The following SEZ6 variants were observed in gnomAD, a reference collection of about 807,000 sequenced individuals.
The protein encoded by SEZ6 is seizure related 6 homolog, also known as seizure protein 6 homolog.
A neutral mutation model predicts 101.0 loss-of-function variants in SEZ6; 53 were observed. That is an observed-to-expected ratio of 0.52 (90% CI 0.42 to 0.66). SEZ6 has a LOEUF of 0.66. Among genes scored for constraint, SEZ6 ranks in the 30% least tolerant of loss-of-function variants. The pLI is 0.00. For missense variants in SEZ6, 1,102 were observed against 1,289.4 expected (o/e 0.85, Z 2.23); for synonymous variants, 488 against 512.2 (o/e 0.95, Z 0.64).
chr17:28,968,390 C>T (rs1285642344), intron 4 of SEZ6, among the ~76,000 whole-genome samples: 1 of 152,226 alleles, frequency 6.6e-6, no homozygotes, highest in African/African-American at 2.4e-5. Context: ...GCCTCCAGCT[C>T]ACTGCCATTC....
At position 28,981,795 on chromosome 17, in the gene SEZ6, T is replaced by C. The variant is rs768689467; in HGVS notation, c.300A>G (p.Ala100=). ...PALPFQPDPP[A]PFTPSPLPRL... is the part of the protein sequence containing the mutation. ...GGGGAAGGGGACTTGGGGTGAAGGG[T>C]GCAGGTGGGTCAGGCTGGAAGGGCA... The change falls in exon 2 of 17, where the codon GCA becomes GCG. Residue 100 remains alanine, a synonymous_variant. Transcript: ENST00000317338. 5.0e-6 allele frequency: 8 copies of C among 1,613,156 alleles called. No homozygotes were observed. The African/African-American group carries it at 1.1e-4, about 22-fold the overall frequency.
At chr17:28,990,113 G>T (rs2041436499) in intron 1 of SEZ6, among the ~76,000 whole-genome samples, 4 of 152,078 alleles carry the variant, frequency 2.6e-5, no homozygotes, top group South Asian at 2.1e-4. Context: ...AAGACCACCA[G>T]GTTTGGAGGC....
At chr17:28,968,129 C>G (rs1366448895) in intron 4 of SEZ6, among the ~76,000 whole-genome samples, 2 of 152,162 alleles carry the variant, frequency 1.3e-5, no homozygotes, top group Non-Finnish European at 2.9e-5. Flanking sequence ...GTACTAGGCC[C>G]CTCACCCCCT....
At chr17:29,002,670 C>T (rs1006241685) in intron 1 of SEZ6, among the ~76,000 whole-genome samples, 3 of 152,056 alleles carry the variant, frequency 2.0e-5, no homozygotes, top group East Asian at 1.9e-4. Flanking sequence ...TTCCTGATCC[C>T]GAAGTGCCAG....
intron 5 of SEZ6, 89 bp downstream of exon 5, chr17:28,963,873 A>G: frequency 1.3e-6 from 2 of 1,483,830 alleles, no homozygotes; most frequent in South Asian, 1.2e-5. Context: ...TGAAGAGCAA[A>G]TGAAAGTGGC....
At chr17:29,001,078 C>T (rs545096569) in intron 1 of SEZ6, among the ~76,000 whole-genome samples, 6 of 152,194 alleles carry the variant, frequency 3.9e-5, no homozygotes, top group East Asian at 1.9e-4. Flanking sequence ...AAGGAAAAAA[C>T]GAAGTAAAGG....
chr17:28,986,755 T>A (rs1383789813), intron 1 of SEZ6, among the ~76,000 whole-genome samples: 1 of 152,220 alleles, frequency 6.6e-6, no homozygotes, highest in Non-Finnish European at 1.5e-5. Flanking sequence ...TGACACTAGC[T>A]GTGTGACCTG....
At chr17:29,004,595 A>T (rs1598220073) in intron 1 of SEZ6, among the ~76,000 whole-genome samples, 3 of 152,332 alleles carry the variant, frequency 2.0e-5, no homozygotes, top group African/African-American at 7.2e-5. Flanking sequence ...CCGGGGGCCC[A>T]GCCTGTCCCT....
chr17:28,959,185 A>C lies in SEZ6; in HGVS notation c.1947T>G (p.Tyr649Ter). The change falls in exon 10 of 17, where the codon TAT becomes TAG. Residue 649 changes from tyrosine to a stop codon, truncating the protein, a stop_gained. Coordinates refer to ENST00000317338, the MANE Select transcript of SEZ6 (RefSeq NM_178860.5). LOFTEE classifies it high-confidence loss of function. This position sits in a 1 kb window ranked among gnomAD's most constrained non-coding sequence, Gnocchi z 4.4. ...RIGPGDVLTF[Y>*]DGDDLTARVL... is the part of the protein sequence containing the mutation. ...CCCGGGCCGTCAGGTCATCCCCATC[A>C]TAGAAGGTAAGCACATCACCAGGGC... The C allele has an allele frequency of 6.2e-7, 1 of 1,613,584 alleles. No homozygotes were observed. Among genetic ancestry groups the C allele is most frequent in the Non-Finnish European group, 8.5e-7 (1 of 1,179,700 alleles).
chr17:28,958,483 C>T (rs1221680486), intron 10 of SEZ6, among the ~76,000 whole-genome samples: 1 of 152,126 alleles, frequency 6.6e-6, no homozygotes, highest in African/African-American at 2.4e-5. Context: ...CCTTAGTTCC[C>T]CCATTTTTGT....
intron 1 of SEZ6, among the ~76,000 whole-genome samples, chr17:28,993,287 T>C (rs2041490721): frequency 6.6e-6 from 1 of 152,080 alleles, no homozygotes; most frequent in Non-Finnish European, 1.5e-5. Flanking sequence ...CTTCTGTCCA[T>C]CTGCTAGCCC....
At chr17:28,967,817 A>G (rs1462951504) in intron 4 of SEZ6, among the ~76,000 whole-genome samples, 4 of 152,174 alleles carry the variant, frequency 2.6e-5, no homozygotes, top group Non-Finnish European at 4.4e-5. Flanking sequence ...CCCAGACTCC[A>G]TAGTAGTTAA....
rs1328095966 is a variant in SEZ6 at position 28,981,785 on chromosome 17, G to C, written c.310C>G (p.Pro104Ala). The C allele has an allele frequency of 6.2e-7, 1 of 1,613,422 alleles. No homozygotes were observed. Among genetic ancestry groups the C allele is most frequent in the African/African-American group, 1.3e-5 (1 of 74,902 alleles). Residue 104 changes from proline to alanine, a missense_variant, in exon 2 of 17, where the codon CCA becomes GCA. Around this residue, in one of 3 missense-constraint regions of SEZ6, gnomAD observed 406 missense variants for 418.6 expected, o/e 0.97. Coordinates refer to ENST00000317338, the MANE Select transcript of SEZ6 (RefSeq NM_178860.5). The part of the protein sequence containing the change: ...FQPDPPAPFT[P>A]SPLPRLANQD... ...TTGGCCAGGCGGGGAAGGGGACTTG[G>C]GGTGAAGGGTGCAGGTGGGTCAGGC...
intron 1 of SEZ6, among the ~76,000 whole-genome samples, chr17:28,992,871 T>G (rs2041484452): frequency 6.6e-6 from 1 of 152,044 alleles, no homozygotes; most frequent in Non-Finnish European, 1.5e-5. Context: ...AGGTGATGAA[T>G]GAGGCCTCTG....
At chr17:28,979,879 C>CGG in intron 2 of SEZ6, 66 bp from the exon 3 acceptor site, 1 of 1,216,748 alleles carries the variant, frequency 8.2e-7, no homozygotes, top group Non-Finnish European at 1.1e-6. Context: ...TAAGGCTGAA[C>CGG]CGTGTGTGTG....
At chr17:28,978,541 C>T (rs2041256265) in intron 3 of SEZ6, among the ~76,000 whole-genome samples, 1 of 152,206 alleles carries the variant, frequency 6.6e-6, no homozygotes, top group Non-Finnish European at 1.5e-5. Flanking sequence ...CATGGGATGA[C>T]TCTTCCAGGC....
At chr17:28,993,184 C>T (rs2041489369) in intron 1 of SEZ6, among the ~76,000 whole-genome samples, 1 of 152,046 alleles carries the variant, frequency 6.6e-6, no homozygotes, top group South Asian at 2.1e-4. Context: ...TATGCCACCT[C>T]CCAGGAGTGT....
rs562061044 is a variant in SEZ6 at position 28,958,007 on chromosome 17, T to C, written c.2242A>G (p.Ser748Gly). The change falls in exon 11 of 17, where the codon AGT becomes GGT. Residue 748 changes from serine (S) to glycine (G), a missense_variant. Coordinates refer to ENST00000317338, the MANE Select transcript of SEZ6 (RefSeq NM_178860.5). ...CYPGYQVVGS[S>G]VLMCQWDLTW... ...AGGTCCCACTGGCACATGAGGACAC[T>C]GGATCCCACTACCTGGTAGCCAGGG... The C allele has an allele frequency of 1.2e-6, 2 of 1,614,006 alleles. No individual in the cohort carries two copies. Among genetic ancestry groups the C allele is most frequent in the South Asian group, 2.2e-5 (2 of 91,088 alleles).
rs1243249095 is a variant in SEZ6 at position 28,981,412 on chromosome 17, G to A, written c.683C>T (p.Thr228Ile). Residue 228 changes from threonine to isoleucine, a missense_variant, in exon 2 of 17, where the codon ACC becomes ATC. Thr to Ile is a moderately conservative substitution (Grantham distance 89, BLOSUM62 -1). Around this residue, in one of 3 missense-constraint regions of SEZ6, gnomAD observed 406 missense variants for 418.6 expected, o/e 0.97. Coordinates refer to ENST00000317338, the MANE Select transcript of SEZ6 (RefSeq NM_178860.5). The part of the protein sequence containing the change: ...SGDDEETTTT[T>I]TIITTTITTV... ...GGTGATGGTGGTGGTGATGATGGTGGTGGTAGTGGTGGTCTCCTCATCATC... is the reference window on the plus strand; with the variant it reads ...GGTGATGGTGGTGGTGATGATGGTGATGGTAGTGGTGGTCTCCTCATCATC... 1.3e-6 allele frequency: 2 copies of A among 1,554,644 alleles called. No homozygotes were observed. Among genetic ancestry groups the A allele is most frequent in the Non-Finnish European group, 1.7e-6 (2 of 1,148,620 alleles).
Sources: allele counts gnomAD v4.1 joint callset (sites outside exome capture counted in the v4.1 genomes callset), GRCh38; gene constraint gnomAD v4.1.1; regional missense constraint gnomAD v4.1.1; non-coding constraint Gnocchi (gnomAD v3.1); transcripts MANE v1.5; gene names NCBI Gene and HGNC (gene_info 2026-07-23, HGNC 2026-07-21).